Variants in FSHR observed in about 807,000 individuals in gnomAD.
FSHR encodes follicle stimulating hormone receptor, also known as follicle-stimulating hormone receptor.
A neutral mutation model predicts 52.1 loss-of-function variants in FSHR; 46 were observed. The ratio of observed to expected loss-of-function variants is 0.88; its 90% CI spans 0.70 to 1.13. The LOEUF (loss-of-function observed/expected upper bound fraction) is 1.13. Ranked by LOEUF, FSHR falls within the 50% of genes most tolerant of loss-of-function variation. The pLI is 0.00. For missense variants in FSHR, 964 were observed against 834.6 expected (o/e 1.16, Z -1.91); for synonymous variants, 399 against 309.6 (o/e 1.29, Z -3.03).
chr2:48,963,479 A>G lies in FSHR; in HGVS notation c.1342T>C (p.Phe448Leu), dbSNP rs779880726. The change falls in exon 10 of 10, where the codon TTC becomes CTC. Residue 448 changes from phenylalanine (F) to leucine (L), a missense_variant. Coordinates refer to ENST00000406846, the MANE Select transcript of FSHR (RefSeq NM_000145.4). ...TGAGCDAAGF[F>L]TVFASELSVY... Reference sequence around the variant, plus strand: ...GACAGCTCACTGGCAAAGACAGTGAAAAAGCCAGCAGCATCACAGCCTGCC... The same window carrying G: ...GACAGCTCACTGGCAAAGACAGTGAGAAAGCCAGCAGCATCACAGCCTGCC... The G allele has an allele frequency of 1.2e-6, 2 of 1,614,192 alleles. No homozygotes were observed. The highest frequency in any genetic ancestry group is 2.2e-5 in the South Asian group (2 of 91,086).
rs116634535 is a variant in FSHR at position 49,018,456 on chromosome 2, A to C, written c.300-893T>G. Among the ~76,000 whole-genome samples, 1,407 of 152,332 alleles carry C rather than the reference A, an allele frequency of 9.2e-3. 11 individuals carry two copies. The highest frequency in any genetic ancestry group is 0.014 in the Non-Finnish European group (957 of 68,030). On this transcript the variant is annotated intron_variant, in intron 3 of 9. Transcript: ENST00000406846. Reference sequence around the variant, plus strand: ...ACCCAGATCTAAGTACCAGGCAATTAATCATTTTAAGTACAGTCAGTGCTA... The same window carrying C: ...ACCCAGATCTAAGTACCAGGCAATTCATCATTTTAAGTACAGTCAGTGCTA...
intron 2 of FSHR, among the ~76,000 whole-genome samples, chr2:49,020,962 G>A (rs983617741): frequency 2.6e-5 from 4 of 152,094 alleles, no homozygotes; most frequent in Admixed American, 2.6e-4. Flanking sequence ...GGGAGGGAGA[G>A]CATTAGGAAA....
chr2:49,023,786 G>A (rs1037723782), intron 2 of FSHR, among the ~76,000 whole-genome samples: 1 of 152,092 alleles, frequency 6.6e-6, no homozygotes, highest in African/African-American at 2.4e-5. Flanking sequence ...GACTTTTAAG[G>A]CCCCTTCTGT....
intron 4 of FSHR, among the ~76,000 whole-genome samples, chr2:48,993,903 T>G (rs10490118): frequency 1.3e-5 from 2 of 152,154 alleles, no homozygotes; most frequent in African/African-American, 4.8e-5. Context: ...GCTCCATATA[T>G]GCTAAACTAA....
At chr2:49,133,622 G>T (rs1672376575) in intron 1 of FSHR, among the ~76,000 whole-genome samples, 3 of 152,070 alleles carry the variant, frequency 2.0e-5, no homozygotes, top group Admixed American at 2.0e-4. Flanking sequence ...ACAATCCTAA[G>T]CAAAAGGAAC....
At chr2:49,099,968 C>T (rs984742527) in intron 1 of FSHR, among the ~76,000 whole-genome samples, 4 of 152,054 alleles carry the variant, frequency 2.6e-5, no homozygotes, top group African/African-American at 9.7e-5. Flanking sequence ...CTGTATAAAT[C>T]CAAAGCTAAG....
intron 1 of FSHR, among the ~76,000 whole-genome samples, chr2:49,120,823 A>G (rs1671791562): frequency 6.6e-6 from 1 of 152,248 alleles, no homozygotes. Context: ...TGCTGAGTAT[A>G]TCTCTGCTTC....
intron 2 of FSHR, among the ~76,000 whole-genome samples, chr2:49,065,444 G>A (rs1264613236): frequency 6.6e-6 from 1 of 152,086 alleles, no homozygotes; most frequent in Non-Finnish European, 1.5e-5. Flanking sequence ...GAGCACCTTG[G>A]CATAAGGGAT....
chr2:49,051,940 A>G (rs561811064), intron 2 of FSHR, among the ~76,000 whole-genome samples: 14 of 152,244 alleles, frequency 9.2e-5, no homozygotes, highest in African/African-American at 3.1e-4. Flanking sequence ...TCATTTGTGG[A>G]AAAAAACTAT....
intron 6 of FSHR, among the ~76,000 whole-genome samples, chr2:48,985,697 GTTTTTTTTTTTTTTTTTTTTTTT>G (rs70946839): frequency 2.0e-5 from 2 of 99,540 alleles, no homozygotes; most frequent in Non-Finnish European, 3.8e-5. Context: ...GCAAGTACAG[GTTTTTTTTTTTTTTTTTTTTTTT>G]TTTTGAGACG....
chr2:49,122,285 C>T (rs1045324492), intron 1 of FSHR, among the ~76,000 whole-genome samples: 2 of 152,180 alleles, frequency 1.3e-5, no homozygotes, highest in Admixed American at 6.5e-5. Flanking sequence ...TGAGCTGGAG[C>T]CTTACTGATT....
Position 48,962,924 on chromosome 2 carries a change from A to T in FSHR, c.1897T>A (p.Phe633Ile). ...PFLYAIFTKN[F>I]RRDFFILLSK... The stretch of plus-strand genomic sequence containing the variant: ...AGCAGAATGAAGAAATCTCTGCGAA[A>T]GTTTTTGGTAAAGATGGCATAGAGG... The change falls in exon 10 of 10, where the codon TTT (phenylalanine) becomes ATT (isoleucine). Residue 633 changes from phenylalanine (F) to isoleucine (I), a missense_variant. Physicochemically the swap from Phe to Ile is conservative, Grantham distance 21. Coordinates refer to ENST00000406846, the MANE Select transcript of FSHR (RefSeq NM_000145.4). 6.2e-7 allele frequency: 1 copy of T among 1,614,172 alleles called. No homozygotes were observed.
intron 1 of FSHR, among the ~76,000 whole-genome samples, chr2:49,086,936 G>A (rs1447814476): frequency 2.6e-5 from 4 of 152,072 alleles, no homozygotes; most frequent in Admixed American, 6.5e-5. Context: ...GCCTGGCCCA[G>A]GCATCCTTAT....
rs879279208 is a variant in FSHR, at chr2:49,104,871, C to T, written c.153-36581G>A. Among the ~76,000 whole-genome samples, 14 of 113,064 alleles carry T rather than the reference C, an allele frequency of 1.2e-4. No homozygotes were observed. The South Asian group carries it at 1.7e-3, about 14-fold the overall frequency. The allele number at this position is 113,064 out of a possible 152,430, so 74.2% of individuals were successfully genotyped here. On this transcript the variant is annotated intron_variant, in intron 1 of 9. Transcript: ENST00000406846. ...GGGAAAGAGATGGGGGGAGGGGGGG[C>T]GGGCACAGAACTCACCTGTGACAGA...
intron 4 of FSHR, among the ~76,000 whole-genome samples, chr2:49,010,238 G>C (rs1400832428): frequency 7.7e-6 from 1 of 129,968 alleles, no homozygotes; most frequent in Non-Finnish European, 1.7e-5. Context: ...TTAGCATGAA[G>C]GGTTGTTGAA....
At chr2:49,141,956 A>G (rs1672703403) in intron 1 of FSHR, among the ~76,000 whole-genome samples, 1 of 152,204 alleles carries the variant, frequency 6.6e-6, no homozygotes. Context: ...CTTATTTCCA[A>G]AATAGGGACA....
intron 4 of FSHR, among the ~76,000 whole-genome samples, chr2:49,011,093 C>A (rs1160872030): frequency 6.6e-6 from 1 of 151,114 alleles, no homozygotes; most frequent in African/African-American, 2.4e-5. Flanking sequence ...TTTGCTCTTG[C>A]TTTTCTAGTT....
chr2:48,994,205 C>G (rs769746307), intron 4 of FSHR, among the ~76,000 whole-genome samples: 4 of 152,170 alleles, frequency 2.6e-5, no homozygotes, highest in Non-Finnish European at 5.9e-5. Context: ...TTACAGCTTA[C>G]TCATTCAACG....
chr2:49,015,531 T>G (rs1022522910), intron 4 of FSHR, among the ~76,000 whole-genome samples: 19 of 152,192 alleles, frequency 1.2e-4, no homozygotes, highest in African/African-American at 3.4e-4. Context: ...GTCCGGTGAT[T>G]GGCCCAAGAT....
Sources: gnomAD v4.1 joint callset for allele counts (sites outside exome capture counted in the v4.1 genomes callset) on GRCh38, gnomAD v4.1.1 for gene constraint, MANE v1.5 for transcripts, NCBI Gene and HGNC (gene_info 2026-07-23, HGNC 2026-07-21) for gene names.